Variants in LRRC4C observed in about 807,000 individuals in gnomAD.
The protein encoded by LRRC4C is leucine-rich repeat-containing protein 4C.
Under a neutral mutation model 33.6 loss-of-function variants are expected in LRRC4C, and 5 were observed. The observed-to-expected ratio is 0.15, with a 90% CI of 0.08 to 0.31. LRRC4C has a LOEUF of 0.31. Among genes scored for constraint, LRRC4C ranks in the 10% least tolerant of loss-of-function variants. The pLI is 1.00. For synonymous variants in LRRC4C, 329 were observed against 302.0 expected (o/e 1.09, Z -0.93); for missense variants, 560 against 796.7 (o/e 0.70, Z 3.58).
chr11:40,309,947 T>A (rs1158031837), intron 4 of LRRC4C, among the ~76,000 whole-genome samples: 1 of 152,174 alleles, frequency 6.6e-6, no homozygotes, highest in Non-Finnish European at 1.5e-5. Context: ...TCCCTCCTGC[T>A]GGCCCTGCCT....
At chr11:40,166,841 T>C (rs1859634029) in intron 5 of LRRC4C, among the ~76,000 whole-genome samples, 1 of 152,158 alleles carries the variant, frequency 6.6e-6, no homozygotes, top group African/African-American at 2.4e-5. Context: ...TGTTTTGTGA[T>C]ATAAACATCC....
chr11:40,899,581 T>C (rs1348223266), intron 2 of LRRC4C, among the ~76,000 whole-genome samples: 1 of 152,180 alleles, frequency 6.6e-6, no homozygotes, highest in African/African-American at 2.4e-5. Flanking sequence ...TTTCCCAACA[T>C]AGATTTGTGT....
chr11:40,279,715 G>C (rs918274917), intron 4 of LRRC4C, among the ~76,000 whole-genome samples: 1 of 152,104 alleles, frequency 6.6e-6, no homozygotes, highest in African/African-American at 2.4e-5. Context: ...GATCTAAGAG[G>C]TAACAGAGCT....
At chr11:40,838,784 TAAG>T (rs1366455914) in intron 2 of LRRC4C, among the ~76,000 whole-genome samples, 1 of 151,982 alleles carries the variant, frequency 6.6e-6, no homozygotes, top group African/African-American at 2.4e-5. Flanking sequence ...GGAAAGGTAG[TAAG>T]AATATAATGC....
chr11:40,618,942 G>A (rs1437784868), intron 3 of LRRC4C, among the ~76,000 whole-genome samples: 1 of 151,694 alleles, frequency 6.6e-6, no homozygotes, highest in East Asian at 1.9e-4. Flanking sequence ...AAATATAGAG[G>A]TTGAATGTCA....
intron 3 of LRRC4C, among the ~76,000 whole-genome samples, chr11:40,531,882 T>C (rs1956286038): frequency 6.6e-6 from 1 of 151,134 alleles, no homozygotes; most frequent in Non-Finnish European, 1.5e-5. Context: ...TCATGAAAGG[T>C]CTGGAATAAC....
At chr11:40,951,548 A>T (rs368395428) in intron 1 of LRRC4C, among the ~76,000 whole-genome samples, 1 of 152,004 alleles carries the variant, frequency 6.6e-6, no homozygotes, top group African/African-American at 2.4e-5. Flanking sequence ...ACAGATATCA[A>T]TTTTGTTGCC....
chr11:40,126,025 T>A (rs1464847780), intron 6 of LRRC4C, among the ~76,000 whole-genome samples: 1 of 152,014 alleles, frequency 6.6e-6, no homozygotes, highest in African/African-American at 2.4e-5. Flanking sequence ...AGTAGGTAAA[T>A]GTAATGGAAA....
chr11:41,352,795 T>G (rs1318777469), intron 1 of LRRC4C, among the ~76,000 whole-genome samples: 1 of 152,022 alleles, frequency 6.6e-6, no homozygotes, highest in Admixed American at 6.6e-5. Context: ...TGAAATTAAG[T>G]CAGAGATAAT....
rs534861158 is a variant in LRRC4C, at chr11:40,679,803, A to C, written c.-406-31525T>G. Among the ~76,000 whole-genome samples, 251 of 152,296 alleles carry C rather than the reference A, an allele frequency of 1.6e-3. 1 individual carries two copies. Among genetic ancestry groups the C allele is most frequent in the African/African-American group, 5.7e-3 (239 of 41,578 alleles). ...AGGGATCTCATAGAGAAACTCTGCT[A>C]TGGCAGTGCAGAAGGGAAATGTGGG... On this transcript the variant is annotated intron_variant, in intron 2 of 6. Transcript: ENST00000528697.
intron 1 of LRRC4C, among the ~76,000 whole-genome samples, chr11:41,442,483 T>C (rs1404224831): frequency 1.4e-5 from 2 of 138,148 alleles, no homozygotes; most frequent in African/African-American, 2.8e-5. Flanking sequence ...TTTTTTTTTT[T>C]TTTTGAGACA....
intron 1 of LRRC4C, among the ~76,000 whole-genome samples, chr11:41,331,824 C>T (rs1003499787): frequency 6.6e-6 from 1 of 151,896 alleles, no homozygotes; most frequent in Admixed American, 6.6e-5. Flanking sequence ...AAAGAAGGGA[C>T]ATCTTTGCTA....
At chr11:40,846,494 G>A (rs1953180558) in intron 2 of LRRC4C, among the ~76,000 whole-genome samples, 1 of 152,142 alleles carries the variant, frequency 6.6e-6, no homozygotes, top group Non-Finnish European at 1.5e-5. Flanking sequence ...TTGTAAATGT[G>A]TGGTGTTACT....
chr11:40,399,972 T>C (rs1014961766), intron 3 of LRRC4C, among the ~76,000 whole-genome samples: 1 of 151,972 alleles, frequency 6.6e-6, no homozygotes, highest in Admixed American at 6.6e-5. Flanking sequence ...AAGGACAAAA[T>C]AAAGACCAGT....
chr11:40,772,118 G>C (rs1338003869), intron 2 of LRRC4C, among the ~76,000 whole-genome samples: 1 of 152,166 alleles, frequency 6.6e-6, no homozygotes, highest in Non-Finnish European at 1.5e-5. Flanking sequence ...GTAATTTATA[G>C]AAGGAAGAGG....
rs1356430517 is a variant in LRRC4C, at chr11:40,469,685, G to A, written c.-269-149964C>T. Among the ~76,000 whole-genome samples the A allele has an allele frequency of 5.3e-5, 8 of 152,170 alleles. No individual in the cohort carries two copies. In the East Asian group the frequency reaches 1.4e-3, roughly 26 times the overall value. The stretch of plus-strand genomic sequence containing the variant: ...TCTGAAGTCTACCAGAAACACTTGA[G>A]TTTGATGAGGGCAGGGGTGTTCACC... On this transcript the variant is annotated intron_variant, in intron 3 of 6. Transcript: ENST00000528697.
At chr11:40,653,027 T>A (rs1018859496) in intron 2 of LRRC4C, among the ~76,000 whole-genome samples, 3 of 152,204 alleles carry the variant, frequency 2.0e-5, no homozygotes, top group African/African-American at 7.2e-5. Flanking sequence ...CGGTGCCTTC[T>A]GCCATGATTG....
intron 3 of LRRC4C, among the ~76,000 whole-genome samples, chr11:40,581,175 A>G (rs1431815047): frequency 6.6e-6 from 1 of 152,256 alleles, no homozygotes; most frequent in East Asian, 1.9e-4. Flanking sequence ...TTACACTAAC[A>G]GAAAATTGCC....
intron 3 of LRRC4C, among the ~76,000 whole-genome samples, chr11:40,416,223 A>G (rs1950319013): frequency 6.6e-6 from 1 of 152,172 alleles, no homozygotes; most frequent in Non-Finnish European, 1.5e-5. Flanking sequence ...GGCTCTACAA[A>G]TTATGTATCT....
Sources: gnomAD v4.1 joint callset for allele counts (sites outside exome capture counted in the v4.1 genomes callset) on GRCh38, gnomAD v4.1.1 for gene constraint, MANE v1.5 for transcripts, NCBI Gene and HGNC (gene_info 2026-07-23, HGNC 2026-07-21) for gene names.